Variants in PREX1 observed in about 807,000 individuals in gnomAD.
PREX1 encodes the protein phosphatidylinositol 3,4,5-trisphosphate-dependent Rac exchanger 1 protein.
PREX1 carries 41 observed loss-of-function variants against 198.3 expected under a neutral mutation model. The ratio of observed to expected loss-of-function variants is 0.21; its 90% confidence interval spans 0.16 to 0.27. The LOEUF (loss-of-function observed/expected upper bound fraction) is 0.27. Ranked by LOEUF, PREX1 falls within the 10% of genes least tolerant of loss-of-function variation. The pLI is 1.00. For synonymous variants in PREX1, 843 were observed against 887.2 expected (o/e 0.95, Z 0.89); for missense variants, 1,620 against 2,200.7 (o/e 0.74, Z 5.28).
At position 48,645,987 on chromosome 20, in the gene PREX1, A is replaced by C; in HGVS notation, c.3376T>G (p.Ser1126Ala). The part of the protein sequence containing the change: ...CDASLAEEAS[S>A]LPLVSEESEM... ...CTCTCTTCACTGACCAGGGGCAGGG[A>C]GGAGGCCTCCTCAGCCAAGGATGCG... Residue 1126 changes from serine (S) to alanine (A), a missense_variant, in exon 26 of 40, where the codon TCC becomes GCC. Ser to Ala is a moderately conservative substitution (Grantham distance 99). Around this residue, in one of 7 missense-constraint regions of PREX1, gnomAD observed 514 missense variants for 611.6 expected, o/e 0.84. Transcript: ENST00000371941. 6.2e-7 allele frequency: 1 copy of C among 1,614,180 alleles called. No individual in the cohort carries two copies. The highest frequency in any genetic ancestry group is 8.5e-7 in the Non-Finnish European group (1 of 1,180,028).
chr20:48,799,974 G>C (rs942452361), intron 1 of PREX1, among the ~76,000 whole-genome samples: 2 of 152,236 alleles, frequency 1.3e-5, no homozygotes, highest in Non-Finnish European at 2.9e-5. Context: ...TGATGTGGTA[G>C]AGGACAGAGC....
chr20:48,626,986 G>A (rs1601022896), intron 39 of PREX1, among the ~76,000 whole-genome samples: 1 of 152,148 alleles, frequency 6.6e-6, no homozygotes, highest in Non-Finnish European at 1.5e-5. Flanking sequence ...CAGGGTGGGA[G>A]GACAGGAGGA....
chr20:48,715,534 C>G (rs1479234393), intron 5 of PREX1, among the ~76,000 whole-genome samples: 2 of 152,150 alleles, frequency 1.3e-5, no homozygotes, highest in African/African-American at 4.8e-5. Flanking sequence ...GCTGTGGGGC[C>G]TTGCACAAGT....
At chr20:48,872,223 C>G in the PREX1 span, among the ~76,000 whole-genome samples, 1 of 151,826 alleles carries the variant, frequency 6.6e-6, no homozygotes, top group Non-Finnish European at 1.5e-5. Context: ...CATACCTTCA[C>G]TGAGACAAGA....
At chr20:48,883,146 A>C in the PREX1 span, among the ~76,000 whole-genome samples, 2 of 151,744 alleles carry the variant, frequency 1.3e-5, no homozygotes, top group South Asian at 4.2e-4. Flanking sequence ...TGTTGGCCAG[A>C]CTGGTCTTAA....
intron 2 of PREX1, among the ~76,000 whole-genome samples, chr20:48,745,974 C>G (rs1004798407): frequency 6.6e-6 from 1 of 152,104 alleles, no homozygotes; most frequent in Non-Finnish European, 1.5e-5. Flanking sequence ...TATTACTTTG[C>G]CTCTCTGAGT....
rs534304135 is a variant in PREX1 at position 48,669,217 on chromosome 20, C to A, written c.1666-2862G>T. On this transcript the variant is annotated intron_variant, in intron 14 of 39. Transcript: ENST00000371941. ...AGGCCTTTGCACTCGTCCTTTCCTG[C>A]ACACCTGGAATGCCCTGCCCCGGCT... Among the ~76,000 whole-genome samples the A allele has an allele frequency of 1.1e-3, 163 of 152,122 alleles. 1 individual carries two copies. The highest frequency in any genetic ancestry group is 3.8e-3 in the African/African-American group (159 of 41,474).
At chr20:48,751,150 C>G (rs2090132383) in intron 1 of PREX1, among the ~76,000 whole-genome samples, 1 of 152,214 alleles carries the variant, frequency 6.6e-6, no homozygotes, top group Non-Finnish European at 1.5e-5. Flanking sequence ...ATGCCGGAGA[C>G]CTCGACTCAG....
intron 1 of PREX1, among the ~76,000 whole-genome samples, chr20:48,782,520 C>T (rs1281839947): frequency 6.6e-6 from 1 of 152,190 alleles, no homozygotes; most frequent in Non-Finnish European, 1.5e-5. Context: ...TGGACTAATA[C>T]ACCCATATAT....
chr20:48,874,365 G>A, the PREX1 span, among the ~76,000 whole-genome samples: 6 of 145,116 alleles, frequency 4.1e-5, no homozygotes, highest in Middle Eastern at 6.8e-3. Context: ...CACAGAGGAG[G>A]GGTGTCCGTG....
chr20:48,754,046 G>A (rs1447176838), intron 1 of PREX1, among the ~76,000 whole-genome samples: 1 of 152,244 alleles, frequency 6.6e-6, no homozygotes, highest in African/African-American at 2.4e-5. Flanking sequence ...CACACAGCAG[G>A]TGCTCAAGAG....
intron 1 of PREX1, among the ~76,000 whole-genome samples, chr20:48,771,406 T>C (rs2090235246): frequency 6.6e-6 from 1 of 151,084 alleles, no homozygotes; most frequent in African/African-American, 2.4e-5. Flanking sequence ...TGTTTGGGAG[T>C]CTCTTGTTGT....
chr20:48,695,316 G>A (rs757738322), intron 7 of PREX1, among the ~76,000 whole-genome samples: 13 of 152,184 alleles, frequency 8.5e-5, no homozygotes, highest in East Asian at 1.9e-4. Flanking sequence ...TGAGTTACCC[G>A]TGCTGCTGGG....
At chr20:48,816,329 G>A (rs1453873985) in intron 1 of PREX1, among the ~76,000 whole-genome samples, 5 of 152,126 alleles carry the variant, frequency 3.3e-5, no homozygotes, top group African/African-American at 1.2e-4. Flanking sequence ...CCCTGAGATG[G>A]CCCCAGGATC....
chr20:48,692,643 G>T (rs759809392), intron 8 of PREX1, 29 bp downstream of exon 8: 2 of 1,574,730 alleles, frequency 1.3e-6, no homozygotes, highest in East Asian at 4.5e-5. Context: ...GCTCAGGCAG[G>T]GCTCAGGCAA....
At chr20:48,862,790 A>AT in the PREX1 span, among the ~76,000 whole-genome samples, 1,236 of 102,546 alleles carry the variant, frequency 0.012, 56 homozygotes, top group African/African-American at 0.048. Flanking sequence ...TAAAAAAAAA[A>AT]ATATATATAT....
intron 1 of PREX1, among the ~76,000 whole-genome samples, chr20:48,763,399 A>G (rs569012556): frequency 6.6e-6 from 1 of 152,286 alleles, no homozygotes; most frequent in South Asian, 2.1e-4. Context: ...GACAAAGAGA[A>G]CCAAGTCACT....
At chr20:48,681,482 T>C (rs2089750263) in intron 10 of PREX1, 147 bp from the exon 11 acceptor site, 1 of 768,868 alleles carries the variant, frequency 1.3e-6, no homozygotes, top group Non-Finnish European at 2.3e-6. Context: ...TCTATAGCCC[T>C]TGGGGTTGTA....
chr20:48,639,094 C>G (rs895268099), intron 30 of PREX1, among the ~76,000 whole-genome samples: 1 of 152,224 alleles, frequency 6.6e-6, no homozygotes, highest in South Asian at 2.1e-4. Flanking sequence ...ACGCAAATGC[C>G]GGCAAGGGCC....
Sources: allele counts gnomAD v4.1 joint callset (sites outside exome capture counted in the v4.1 genomes callset), GRCh38; gene constraint gnomAD v4.1.1; regional missense constraint gnomAD v4.1.1; transcripts MANE v1.5; gene names NCBI Gene and HGNC (gene_info 2026-07-23, HGNC 2026-07-21).